Variants in FOXK1 observed in about 807,000 individuals in gnomAD.
The protein encoded by FOXK1 is forkhead box protein K1.
A neutral mutation model predicts 51.9 loss-of-function variants in FOXK1; 19 were observed. The observed-to-expected ratio is 0.37, with a 90% CI of 0.26 to 0.54. The LOEUF is 0.54. Ranked by LOEUF, FOXK1 falls within the 20% of genes least tolerant of loss-of-function variation. FOXK1 has a pLI of 0.87. For missense variants in FOXK1, 870 were observed against 1,032.7 expected, an observed-to-expected ratio of 0.84 and a Z score of 2.16; for synonymous variants, 537 against 482.6, an observed-to-expected ratio of 1.11 and a Z score of -1.48.
At position 4,706,501 on chromosome 7, in the gene FOXK1, G is replaced by A. The variant is rs778908570; in HGVS notation, c.560+23633G>A. Among the ~76,000 whole-genome samples the A allele has an allele frequency of 9.9e-5, 15 of 152,234 alleles. No homozygotes were observed. The Middle Eastern group carries it at 0.01, about 104-fold the overall frequency. Reference sequence around the variant, plus strand: ...GGATGCTGACAGTTGGGGGCCCATCGGAGACAGTCCCAAGCAGCATGGCTG... The same window carrying A: ...GGATGCTGACAGTTGGGGGCCCATCAGAGACAGTCCCAAGCAGCATGGCTG... On this transcript the variant is annotated intron_variant, in intron 1 of 8. Coordinates refer to ENST00000328914, the MANE Select transcript of FOXK1 (RefSeq NM_001037165.2).
rs1781034844 is a variant in FOXK1 at position 4,767,708 on chromosome 7, T to G, written c.*5244T>G. 1 of 152,236 alleles carries G rather than the reference T, an allele frequency of 6.6e-6. No homozygotes were observed. Among genetic ancestry groups the G allele is most frequent in the African/African-American group, 2.4e-5 (1 of 41,464 alleles). The allele number at this position is 152,236 out of a possible 1,614,324, so 9.4% of individuals were successfully genotyped here. On this transcript the variant is annotated 3_prime_UTR_variant, in exon 9 of 9. Transcript: ENST00000328914. This position sits in a 1 kb window ranked among gnomAD's most constrained non-coding sequence, Gnocchi z 6.6. ...TTACAATTTCCTTTTCTTTTCAAAGTTCCTTTCTCCAGGCCTGTTTTTCAG... is the reference window on the plus strand; with the variant it reads ...TTACAATTTCCTTTTCTTTTCAAAGGTCCTTTCTCCAGGCCTGTTTTTCAG...
chr7:4,706,361 C>G (rs890632804), intron 1 of FOXK1, among the ~76,000 whole-genome samples: 14 of 151,476 alleles, frequency 9.2e-5, no homozygotes, highest in Non-Finnish European at 1.9e-4. Context: ...CTCTGGCACC[C>G]TAAGTTAGGA....
At position 4,768,529 on chromosome 7, in the gene FOXK1, C is replaced by G. The variant is rs1268515550; in HGVS notation, c.*6065C>G. 1 of 152,544 alleles carries G rather than the reference C, an allele frequency of 6.6e-6. No individual in the cohort carries two copies. The highest frequency in any genetic ancestry group is 2.4e-5 in the African/African-American group (1 of 41,466). 9.4% of individuals were successfully genotyped at this position (152,544 alleles called of 1,614,324 possible). A position where few individuals can be genotyped will look rare whatever the true frequency, so the allele number is the denominator to read the frequency against. On this transcript the variant is annotated 3_prime_UTR_variant, in exon 9 of 9. Coordinates refer to ENST00000328914, the MANE Select transcript of FOXK1 (RefSeq NM_001037165.2). Reference sequence around the variant, plus strand: ...CTGCTGGGCTTTTCCGGCCCCGTCCCAGCTCCTCCTCAGGCAGAGGCTGCA... The same window carrying G: ...CTGCTGGGCTTTTCCGGCCCCGTCCGAGCTCCTCCTCAGGCAGAGGCTGCA...
In FOXK1 at chr7:4,767,319, GCAGAGC is replaced by G. The variant is rs1231074098; in HGVS notation, c.*4857_*4862del. ...CATGATCGTCAGGCTCTTTGCAAACGCAGAGCCCCAGAACGCTGGATGGAGGCCTCC... is the reference window on the plus strand; with the variant it reads ...CATGATCGTCAGGCTCTTTGCAAACGCCCAGAACGCTGGATGGAGGCCTCC... On this transcript the variant is annotated 3_prime_UTR_variant, in exon 9 of 9. Transcript: ENST00000328914. This position sits in a 1 kb window ranked among gnomAD's most constrained non-coding sequence, Gnocchi z 6.6. 6.6e-6 allele frequency: 1 copy of G among 152,262 alleles called. No homozygotes were observed. The highest frequency in any genetic ancestry group is 2.4e-5 in the African/African-American group (1 of 41,462). The allele number at this position is 152,262 out of a possible 1,614,324, so 9.4% of individuals were successfully genotyped here. A position where few individuals can be genotyped will look rare whatever the true frequency, so the allele number is the denominator to read the frequency against.
intron 1 of FOXK1, among the ~76,000 whole-genome samples, chr7:4,717,871 G>A (rs1386901090): frequency 6.6e-6 from 1 of 152,176 alleles, no homozygotes; most frequent in African/African-American, 2.4e-5. Flanking sequence ...GCGTCTTTGG[G>A]CTCTGGTCTC....
chr7:4,685,957 TG>T (rs1291344355), intron 1 of FOXK1, among the ~76,000 whole-genome samples: 6 of 143,062 alleles, frequency 4.2e-5, no homozygotes, highest in African/African-American at 1.6e-4. Context: ...AAAAACAAAA[TG>T]AAAAAAAAAA....
In FOXK1 at chr7:4,734,382, G is replaced by A. The variant is rs1780523408; in HGVS notation, c.561-6456G>A. 6.6e-6 allele frequency among the ~76,000 whole-genome samples: 1 copy of A among 152,194 alleles called. No homozygotes were observed. The highest frequency in any genetic ancestry group is 1.5e-5 in the Non-Finnish European group (1 of 68,036). On this transcript the variant is annotated intron_variant, in intron 1 of 8. Coordinates refer to ENST00000328914, the MANE Select transcript of FOXK1 (RefSeq NM_001037165.2). The surrounding 1 kb of genome is among the most constrained non-coding windows in gnomAD (Gnocchi z 5.2). Reference sequence around the variant, plus strand: ...CTGTGGCTCTTGTGGTCCTGGCCTTGGTGGGCAGGTGCAGGGCCCGCTCCC... The same window carrying A: ...CTGTGGCTCTTGTGGTCCTGGCCTTAGTGGGCAGGTGCAGGGCCCGCTCCC...
intron 1 of FOXK1, among the ~76,000 whole-genome samples, chr7:4,714,721 C>T (rs917469022): frequency 1.3e-5 from 2 of 152,158 alleles, no homozygotes; most frequent in African/African-American, 4.8e-5. Flanking sequence ...CGTTACATTC[C>T]CGCGGTTCAA....
Position 4,731,675 on chromosome 7 carries a change from G to T in FOXK1, c.561-9163G>T, listed in dbSNP as rs549263115. ...CTCGGGAGGCTGAGGCAGGAGAATC[G>T]CTTGGACCTGGAGGCGGAGGTTGCA... On this transcript the variant is annotated intron_variant, in intron 1 of 8. Transcript: ENST00000328914. The surrounding 1 kb of genome is among the most constrained non-coding windows in gnomAD (Gnocchi z 5.3). 1.9e-4 allele frequency among the ~76,000 whole-genome samples: 29 copies of T among 151,004 alleles called. No individual in the cohort carries two copies. Among genetic ancestry groups the T allele is most frequent in the African/African-American group, 6.8e-4 (28 of 41,074 alleles).
At position 4,731,155 on chromosome 7, in the gene FOXK1, C is replaced by A. The variant is rs1420141010; in HGVS notation, c.561-9683C>A. Among the ~76,000 whole-genome samples, 2 of 152,180 alleles carry A rather than the reference C, an allele frequency of 1.3e-5. No homozygotes were observed. The highest frequency in any genetic ancestry group is 4.8e-5 in the African/African-American group (2 of 41,442). ...TTCCTGTCCCTGCACAGAGAACTTG[C>A]TGGTAGGAGGTGGTGAGGGGCCTCC... On this transcript the variant is annotated intron_variant, in intron 1 of 8. Transcript: ENST00000328914. This position sits in a 1 kb window ranked among gnomAD's most constrained non-coding sequence, Gnocchi z 5.3.
At chr7:4,744,035 C>T (rs1780669710) in intron 2 of FOXK1, among the ~76,000 whole-genome samples, 1 of 152,044 alleles carries the variant, frequency 6.6e-6, no homozygotes, top group African/African-American at 2.4e-5. Context: ...TGCCACCACG[C>T]CCGGCTAATT....
In FOXK1 at chr7:4,755,876, G is replaced by C. The variant is rs942695136; in HGVS notation, c.1050+493G>C. On this transcript the variant is annotated intron_variant, in intron 4 of 8. Transcript: ENST00000328914. The surrounding 1 kb of genome is among the most constrained non-coding windows in gnomAD (Gnocchi z 6.6). ...TCTTTTTTATTAGTTTCCTTCTTCT[G>C]AGCCCCAGAACTGAGAAGATGGATC... 7.1e-6 allele frequency among the ~76,000 whole-genome samples: 1 copy of C among 141,186 alleles called. No individual in the cohort carries two copies. The highest frequency in any genetic ancestry group is 1.6e-5 in the Non-Finnish European group (1 of 63,552). 92.6% of individuals were successfully genotyped at this position (141,186 alleles called of 152,430 possible). A position where few individuals can be genotyped will look rare whatever the true frequency, so the allele number is the denominator to read the frequency against.
At chr7:4,752,811 G>A (rs962149422) in intron 2 of FOXK1, among the ~76,000 whole-genome samples, 6 of 152,204 alleles carry the variant, frequency 3.9e-5, no homozygotes, top group South Asian at 2.1e-4. Flanking sequence ...CAGCCCCTCC[G>A]GCCATGAGGC....
intron 1 of FOXK1, among the ~76,000 whole-genome samples, chr7:4,705,222 T>C (rs1424739582): frequency 6.6e-6 from 1 of 152,056 alleles, no homozygotes; most frequent in African/African-American, 2.4e-5. Flanking sequence ...AAGATCTCAC[T>C]CTGTTACCCA....
chr7:4,708,577 G>A (rs1780134581), intron 1 of FOXK1, among the ~76,000 whole-genome samples: 1 of 152,264 alleles, frequency 6.6e-6, no homozygotes, highest in South Asian at 2.1e-4. Flanking sequence ...TATCATAAAA[G>A]TATAGCAATT....
chr7:4,742,192 T>G (rs1340244466), intron 2 of FOXK1, among the ~76,000 whole-genome samples: 1 of 152,190 alleles, frequency 6.6e-6, no homozygotes, highest in Admixed American at 6.5e-5. Context: ...AGGGCTGTTG[T>G]GAACATGGTG....
intron 1 of FOXK1, among the ~76,000 whole-genome samples, chr7:4,702,021 G>C (rs1401333107): frequency 6.6e-6 from 1 of 152,210 alleles, no homozygotes; most frequent in Non-Finnish European, 1.5e-5. Context: ...GCTGCGGTGA[G>C]CTGTGACTGT....
intron 1 of FOXK1, among the ~76,000 whole-genome samples, chr7:4,687,775 A>G (rs1360748094): frequency 2.6e-5 from 4 of 152,310 alleles, no homozygotes; most frequent in Admixed American, 1.3e-4. Flanking sequence ...AATAATTACA[A>G]TGAGAACAAG....
At chr7:4,704,171 C>T (rs1207470030) in intron 1 of FOXK1, among the ~76,000 whole-genome samples, 5 of 152,070 alleles carry the variant, frequency 3.3e-5, no homozygotes, top group Non-Finnish European at 4.4e-5. Context: ...ACATCCCTGG[C>T]CGGGCGTGGT....
Sources: gnomAD v4.1 joint callset for allele counts (sites outside exome capture counted in the v4.1 genomes callset) on GRCh38, gnomAD v4.1.1 for gene constraint, Gnocchi (gnomAD v3.1) non-coding constraint, MANE v1.5 for transcripts, NCBI Gene and HGNC (gene_info 2026-07-23, HGNC 2026-07-21) for gene names.